DLGAP2: variants seen among roughly 807,000 people sequenced by gnomAD.
DLGAP2 encodes the protein disks large-associated protein 2.
In DLGAP2, 26 loss-of-function variants were observed where a neutral mutation model predicts 100.3. The observed-to-expected ratio is 0.26, with a 90% CI of 0.19 to 0.36. DLGAP2 has a LOEUF of 0.36. DLGAP2 is among the 10% of genes least tolerant of loss of function. The pLI is 1.00. For synonymous variants in DLGAP2, 886 were observed against 630.1 expected, an observed-to-expected ratio of 1.41 and a Z score of -6.08; for missense variants, 1,858 against 1,453.2, an observed-to-expected ratio of 1.28 and a Z score of -4.53.
At position 1,335,107 on chromosome 8, in the gene DLGAP2, A is replaced by T. The variant is rs143669070; in HGVS notation, c.106+76224A>T. Among the ~76,000 whole-genome samples the T allele has an allele frequency of 5.1e-4, 78 of 152,286 alleles. No individual in the cohort carries two copies. In the East Asian group the frequency reaches 0.013, roughly 26 times the overall value. On this transcript the variant is annotated intron_variant, in intron 3 of 14. Transcript: ENST00000637795. ...ATGGTCTGACGTTTCTGCAGAAGGGAACTCCTCATCCAAGACACGGTGGTT... is the reference window on the plus strand; with the variant it reads ...ATGGTCTGACGTTTCTGCAGAAGGGTACTCCTCATCCAAGACACGGTGGTT...
At chr8:886,792 G>A (rs569918127) in intron 1 of DLGAP2, among the ~76,000 whole-genome samples, 31 of 152,324 alleles carry the variant, frequency 2.0e-4, no homozygotes, top group East Asian at 1.2e-3. Flanking sequence ...TTCCAATTAC[G>A]TGGCTGATTT....
intron 1 of DLGAP2, among the ~76,000 whole-genome samples, chr8:863,388 C>G (rs1233524767): frequency 6.6e-6 from 1 of 152,190 alleles, no homozygotes; most frequent in Non-Finnish European, 1.5e-5. Context: ...GTTAGCTGTC[C>G]TTAGACTCAC....
At chr8:920,188 T>C (rs1201400344) in intron 2 of DLGAP2, among the ~76,000 whole-genome samples, 1 of 152,202 alleles carries the variant, frequency 6.6e-6, no homozygotes, top group African/African-American at 2.4e-5. Context: ...AACAGGAAGC[T>C]TGTGAGAGAC....
chr8:1,192,166 C>A (rs754275660), intron 2 of DLGAP2, among the ~76,000 whole-genome samples: 4 of 152,124 alleles, frequency 2.6e-5, no homozygotes, highest in Non-Finnish European at 5.9e-5. Flanking sequence ...GGGCTTGGAG[C>A]TGTGGGTGGG....
At chr8:1,421,137 C>G (rs1274041203) in intron 3 of DLGAP2, among the ~76,000 whole-genome samples, 3 of 152,154 alleles carry the variant, frequency 2.0e-5, no homozygotes, top group Non-Finnish European at 2.9e-5. Context: ...GTTTTTCAGA[C>G]CTTTGAATTT....
At chr8:1,203,056 G>C (rs539881533) in intron 2 of DLGAP2, among the ~76,000 whole-genome samples, 6 of 152,302 alleles carry the variant, frequency 3.9e-5, no homozygotes, top group African/African-American at 7.2e-5. Context: ...GGTTCCGTAA[G>C]CTGCTCTCCG....
intron 2 of DLGAP2, among the ~76,000 whole-genome samples, chr8:988,834 A>G (rs1212970656): frequency 6.6e-6 from 1 of 151,936 alleles, no homozygotes; most frequent in Admixed American, 6.5e-5. Context: ...ATCATTTCCA[A>G]GCTCCACTGG....
At chr8:828,574 C>A (rs190376808) in intron 1 of DLGAP2, among the ~76,000 whole-genome samples, 10 of 152,184 alleles carry the variant, frequency 6.6e-5, no homozygotes, top group African/African-American at 2.2e-4. Context: ...ACATGCTGTA[C>A]AATTTGTGCA....
At chr8:1,320,280 T>C (rs906143910) in intron 3 of DLGAP2, among the ~76,000 whole-genome samples, 1 of 151,828 alleles carries the variant, frequency 6.6e-6, no homozygotes, top group African/African-American at 2.4e-5. Context: ...GTAGTAAAGA[T>C]CCAAGCAGAC....
intron 1 of DLGAP2, among the ~76,000 whole-genome samples, chr8:903,836 C>G (rs551472798): frequency 6.6e-5 from 10 of 152,338 alleles, no homozygotes; most frequent in African/African-American, 2.4e-4. Flanking sequence ...ACCTGACTTA[C>G]GGTGCTCGTT....
chr8:1,595,182 A>G (rs1215232511), intron 6 of DLGAP2, among the ~76,000 whole-genome samples: 1 of 152,042 alleles, frequency 6.6e-6, no homozygotes, highest in African/African-American at 2.4e-5. Context: ...CTGGTATTAC[A>G]GGCACCTGCC....
chr8:1,003,191 A>G (rs1034217871), intron 2 of DLGAP2: 4 of 152,200 alleles, frequency 2.6e-5, no homozygotes, highest in South Asian at 2.1e-4. Flanking sequence ...GGAGGACTCT[A>G]AAGGGTGGGT....
intron 2 of DLGAP2, among the ~76,000 whole-genome samples, chr8:1,142,476 G>A (rs573089861): frequency 3.9e-5 from 6 of 152,156 alleles, no homozygotes; most frequent in Non-Finnish European, 8.8e-5. Flanking sequence ...TTATGGCTTC[G>A]ATAGATATTT....
intron 2 of DLGAP2, among the ~76,000 whole-genome samples, chr8:1,007,527 G>T (rs1801153629): frequency 6.6e-6 from 1 of 151,948 alleles, no homozygotes; most frequent in Admixed American, 6.5e-5. Flanking sequence ...GGGAGGCAAG[G>T]CCAGCGGATG....
chr8:1,067,251 C>T (rs1041082452), intron 2 of DLGAP2, among the ~76,000 whole-genome samples: 1 of 152,246 alleles, frequency 6.6e-6, no homozygotes, highest in Non-Finnish European at 1.5e-5. Context: ...CCTCCCTGTT[C>T]TTCAAGGAGA....
intron 5 of DLGAP2, among the ~76,000 whole-genome samples, chr8:1,551,736 C>A (rs550059265): frequency 6.6e-6 from 1 of 152,178 alleles, no homozygotes; most frequent in Admixed American, 6.5e-5. Context: ...AAATCCCACA[C>A]GACAGACAGA....
intron 3 of DLGAP2, among the ~76,000 whole-genome samples, chr8:1,330,529 G>A (rs1370752599): frequency 1.4e-5 from 2 of 147,734 alleles, no homozygotes; most frequent in African/African-American, 5.0e-5. Flanking sequence ...AGTTCTGGGT[G>A]GGACTGAGTT....
At chr8:1,685,199 C>A (rs183848073) in intron 12 of DLGAP2, among the ~76,000 whole-genome samples, 1 of 152,280 alleles carries the variant, frequency 6.6e-6, no homozygotes, top group African/African-American at 2.4e-5. Context: ...CAGCAGCTGA[C>A]AAAGAGCCCA....
intron 4 of DLGAP2, among the ~76,000 whole-genome samples, chr8:1,547,207 A>C (rs1801572205): frequency 6.6e-6 from 1 of 152,174 alleles, no homozygotes; most frequent in Admixed American, 6.5e-5. Flanking sequence ...TGGTCATCAC[A>C]GAGCTTGGAC....
Sources: allele counts gnomAD v4.1 joint callset (sites outside exome capture counted in the v4.1 genomes callset), GRCh38; gene constraint gnomAD v4.1.1; transcripts MANE v1.5; gene names NCBI Gene and HGNC (gene_info 2026-07-23, HGNC 2026-07-21).